Variants in CLEC2A observed in about 807,000 individuals in gnomAD.
CLEC2A encodes C-type lectin domain family 2 member A.
In CLEC2A, 19 loss-of-function variants were observed where a neutral mutation model predicts 18.6. The observed-to-expected ratio is 1.02, with a 90% CI of 0.71 to 1.50. The LOEUF is 1.50. Ranked by LOEUF, CLEC2A falls within the 40% of genes most tolerant of loss-of-function variation. The pLI, the probability that CLEC2A is intolerant of heterozygous loss-of-function variation, is 0.00. For missense variants in CLEC2A, 190 were observed against 207.9 expected (o/e 0.91, Z 0.53); for synonymous variants, 74 against 64.0 (o/e 1.16, Z -0.75).
In CLEC2A at chr12:9,926,296, T is replaced by G. The variant is rs186507030; in HGVS notation, c.103A>C (p.Ser35Arg). The change falls in exon 2 of 5, where the codon AGT (serine) becomes CGT (arginine). Residue 35 changes from serine (S) to arginine (R), a missense_variant. By Grantham distance (110) the Ser-to-Arg change is moderately radical. Transcript: ENST00000455827. ...ATGCAAACTGTAGTAATAATAATAC[T>G]CAGGAAGCACATAAGGCCAATCTTC... ...NWKIGLMCFL[S>R]IIITTVCIIM... The G allele has an allele frequency of 2.2e-4, 347 of 1,549,524 alleles. No homozygotes were observed. In the African/African-American group the frequency reaches 4.1e-3, roughly 18 times the overall value.
chr12:9,926,353 A>G lies in CLEC2A; in HGVS notation c.56-10T>C. 6.8e-7 allele frequency: 1 copy of G among 1,477,584 alleles called. No individual in the cohort carries two copies. Among genetic ancestry groups the G allele is most frequent in the Non-Finnish European group, 9.2e-7 (1 of 1,085,732 alleles). 91.5% of individuals were successfully genotyped at this position (1,477,584 alleles called of 1,614,324 possible). ...TGTATCAACTTGGGAACTGCAAATT[A>G]AATCAACACATATTTTACAATTTCT... On this transcript the variant is annotated splice_polypyrimidine_tract_variant and intron_variant, in intron 1 of 4. Coordinates refer to ENST00000455827, the MANE Select transcript of CLEC2A (RefSeq NM_001130711.2).
chr12:9,890,481 G>A, the CLEC2A span, among the ~76,000 whole-genome samples: 1 of 152,100 alleles, frequency 6.6e-6, no homozygotes, highest in African/African-American at 2.4e-5. Flanking sequence ...TTTCCTTCTG[G>A]CTTTCAGCTA....
the CLEC2A span, among the ~76,000 whole-genome samples, chr12:9,891,364 A>G: frequency 2.6e-5 from 4 of 152,194 alleles, no homozygotes; most frequent in African/African-American, 4.8e-5. Flanking sequence ...GTTACCTACA[A>G]TAACTCTTTT....
At chr12:9,923,976 G>A (rs1001973146) in intron 2 of CLEC2A, among the ~76,000 whole-genome samples, 1 of 152,054 alleles carries the variant, frequency 6.6e-6, no homozygotes, top group Non-Finnish European at 1.5e-5. Flanking sequence ...GGGGTTGGGA[G>A]AGTGGGGAGG....
Position 9,913,366 on chromosome 12 carries a change from C to T in CLEC2A, c.*200G>A, listed in dbSNP as rs1025090925. The T allele has an allele frequency of 2.6e-5, 22 of 855,462 alleles. No homozygotes were observed. The highest frequency in any genetic ancestry group is 6.9e-5 in the African/African-American group (4 of 57,604). The allele number at this position is 855,462 out of a possible 1,614,324, so 53.0% of individuals were successfully genotyped here. ...GAGCCATAGTAAATGTGATTGTGCC[C>T]TTATAAAAGGCTCCAGAGAACGGCC... On this transcript the variant is annotated 3_prime_UTR_variant, in exon 5 of 5. Coordinates refer to ENST00000455827, the MANE Select transcript of CLEC2A (RefSeq NM_001130711.2).
the CLEC2A span, among the ~76,000 whole-genome samples, chr12:9,880,520 ATGTGTG>A: frequency 5.4e-5 from 8 of 147,302 alleles, no homozygotes; most frequent in South Asian, 2.2e-4. Context: ...AACCATTAGC[ATGTGTG>A]TGTGTGTGTG....
rs148509226 is a variant in CLEC2A at position 9,914,418 on chromosome 12, C to T, written c.411-738G>A. Among the ~76,000 whole-genome samples, 322 of 152,210 alleles carry T rather than the reference C, an allele frequency of 2.1e-3. 1 individual carries two copies. Among genetic ancestry groups the T allele is most frequent in the African/African-American group, 7.5e-3 (310 of 41,516 alleles). Reference sequence around the variant, plus strand: ...CCCATATAGCCAAGACAATCCTAAACAAAAAGAGCAAAGCTGGAGGCATCA... The same window carrying T: ...CCCATATAGCCAAGACAATCCTAAATAAAAAGAGCAAAGCTGGAGGCATCA... On this transcript the variant is annotated intron_variant, in intron 4 of 4. Coordinates refer to ENST00000455827, the MANE Select transcript of CLEC2A (RefSeq NM_001130711.2).
At chr12:9,889,200 G>A in the CLEC2A span, among the ~76,000 whole-genome samples, 902 of 152,252 alleles carry the variant, frequency 5.9e-3, 6 homozygotes, top group Non-Finnish European at 0.011. Flanking sequence ...ATTAAACATA[G>A]TTTTTTAAAC....
At chr12:9,900,142 A>G (rs772634229) in intron 4 of CLEC2A, among the ~76,000 whole-genome samples, 18 of 152,142 alleles carry the variant, frequency 1.2e-4, no homozygotes, top group Non-Finnish European at 2.1e-4. Context: ...CTTTCCCACA[A>G]AAGAAACCTT....
chr12:9,931,988 AT>A (rs915499960), intron 1 of CLEC2A, among the ~76,000 whole-genome samples: 1 of 152,160 alleles, frequency 6.6e-6, no homozygotes, highest in Non-Finnish European at 1.5e-5. Flanking sequence ...GTGTTAAGCA[AT>A]TTTTTCCCTG....
At chr12:9,899,405 G>T (rs1862795251) in intron 4 of CLEC2A, among the ~76,000 whole-genome samples, 1 of 152,170 alleles carries the variant, frequency 6.6e-6, no homozygotes, top group South Asian at 2.1e-4. Flanking sequence ...AAAGGAAAAA[G>T]AAGGCATTTT....
At chr12:9,920,922 G>T (rs1352552003) in intron 3 of CLEC2A, among the ~76,000 whole-genome samples, 2 of 152,196 alleles carry the variant, frequency 1.3e-5, no homozygotes, top group East Asian at 3.9e-4. Context: ...ATTGAAAAGG[G>T]TTTAAAAAAT....
the CLEC2A span, among the ~76,000 whole-genome samples, chr12:9,891,772 T>G: frequency 6.6e-6 from 1 of 152,190 alleles, no homozygotes; most frequent in Non-Finnish European, 1.5e-5. Flanking sequence ...AATCTAAATT[T>G]AGGTCATAAT....
At chr12:9,894,691 T>A (rs1007577952), downstream of CLEC2A, among the ~76,000 whole-genome samples, 1 of 152,184 alleles carries the variant, frequency 6.6e-6, no homozygotes, top group Non-Finnish European at 1.5e-5. Flanking sequence ...GGAGTCATAG[T>A]TCATTTCAGT....
chr12:9,901,166 T>C (rs1862824143), intron 4 of CLEC2A, among the ~76,000 whole-genome samples: 2 of 152,248 alleles, frequency 1.3e-5, no homozygotes, highest in African/African-American at 2.4e-5. Context: ...AGTTAACTCA[T>C]GTTTTGCTTG....
chr12:9,901,584 CA>C (rs1359925096), intron 4 of CLEC2A, among the ~76,000 whole-genome samples: 2 of 152,092 alleles, frequency 1.3e-5, no homozygotes, highest in African/African-American at 4.8e-5. Flanking sequence ...CTAAACATGT[CA>C]AATAATCCTG....
chr12:9,922,286 T>C, intron 2 of CLEC2A, 54 bp from the exon 3 acceptor site: 1 of 1,420,560 alleles, frequency 7.0e-7, no homozygotes, highest in Non-Finnish European at 9.3e-7. Flanking sequence ...AAAGTGTTTC[T>C]ACTCATTCAG....
chr12:9,907,541 C>T (rs1396676224), intron 4 of CLEC2A, among the ~76,000 whole-genome samples: 1 of 152,174 alleles, frequency 6.6e-6, no homozygotes. Flanking sequence ...TATGTAACTT[C>T]ACGTTCTACA....
downstream of CLEC2A, among the ~76,000 whole-genome samples, chr12:9,898,369 G>A (rs1868209): frequency 0.02 from 3,093 of 152,238 alleles, 51 homozygotes; most frequent in Middle Eastern, 0.044. Flanking sequence ...CCAATCATAT[G>A]CCAGACCCCT....
Sources: gnomAD v4.1 joint callset for allele counts (sites outside exome capture counted in the v4.1 genomes callset) on GRCh38, gnomAD v4.1.1 for gene constraint, MANE v1.5 for transcripts, NCBI Gene and HGNC (gene_info 2026-07-23, HGNC 2026-07-21) for gene names.